The following GRIA4 variants were observed in gnomAD, a reference collection of about 807,000 sequenced individuals.
GRIA4 encodes the protein glutamate ionotropic receptor AMPA type subunit 4.
Under a neutral mutation model 104.0 loss-of-function variants are expected in GRIA4, and 34 were observed. The ratio of observed to expected loss-of-function variants is 0.33; its 90% confidence interval spans 0.25 to 0.44. The LOEUF is 0.44. Ranked by LOEUF, GRIA4 falls within the 20% of genes least tolerant of loss-of-function variation. GRIA4 has a pLI of 1.00. For missense variants in GRIA4, 750 were observed against 1,096.5 expected (o/e 0.68, Z 4.46); for synonymous variants, 386 against 381.9 (o/e 1.01, Z -0.13).
chr11:105,764,267 G>T (rs1277073230), intron 4 of GRIA4, among the ~76,000 whole-genome samples: 1 of 152,114 alleles, frequency 6.6e-6, no homozygotes, highest in Non-Finnish European at 1.5e-5. Flanking sequence ...CTCCCGAGTG[G>T]CTGGGACTAC....
rs527997548 is a variant in GRIA4, at chr11:105,869,036, T to G, written c.672+6828T>G. On this transcript the variant is annotated intron_variant, in intron 5 of 16. Coordinates refer to ENST00000282499, the MANE Select transcript of GRIA4 (RefSeq NM_000829.4). Reference sequence around the variant, plus strand: ...AACAGAAACACCTTTACAGATCTGCTGGACTAGTGCAAATGGAATTGGTGG... The same window carrying G: ...AACAGAAACACCTTTACAGATCTGCGGGACTAGTGCAAATGGAATTGGTGG... Among the ~76,000 whole-genome samples the G allele has an allele frequency of 2.0e-5, 3 of 152,264 alleles. No homozygotes were observed. In the South Asian group the frequency reaches 6.2e-4, roughly 32 times the overall value.
chr11:105,872,543 G>A (rs78374574), intron 5 of GRIA4, among the ~76,000 whole-genome samples: 6,992 of 152,052 alleles, frequency 0.046, 494 homozygotes, highest in African/African-American at 0.16. Flanking sequence ...CATATTTGAC[G>A]TTAAAATTCA....
intron 10 of GRIA4, 75 bp from the exon 11 acceptor site, chr11:105,918,637 G>C: frequency 1.4e-6 from 1 of 734,302 alleles, no homozygotes; most frequent in South Asian, 1.7e-5. Flanking sequence ...GTCAAATTCT[G>C]AAATTGGAAA....
At chr11:105,879,858 T>A (rs1945982671) in intron 5 of GRIA4, among the ~76,000 whole-genome samples, 1 of 152,210 alleles carries the variant, frequency 6.6e-6, no homozygotes, top group Admixed American at 6.5e-5. Context: ...ATGAAAGATA[T>A]ATTAACATTG....
chr11:105,710,741 G>A (rs1953881213), intron 3 of GRIA4, among the ~76,000 whole-genome samples: 1 of 152,134 alleles, frequency 6.6e-6, no homozygotes, highest in Non-Finnish European at 1.5e-5. Context: ...TTTCCCTAGA[G>A]TGTAAAAGGG....
At chr11:105,915,750 T>C (rs565205327) in intron 10 of GRIA4, among the ~76,000 whole-genome samples, 2 of 152,290 alleles carry the variant, frequency 1.3e-5, no homozygotes, top group East Asian at 3.9e-4. Flanking sequence ...TCATATGAAA[T>C]CTCAATTAAT....
chr11:105,853,067 A>C (rs1278772540), intron 4 of GRIA4, among the ~76,000 whole-genome samples: 1 of 125,134 alleles, frequency 8.0e-6, no homozygotes, highest in African/African-American at 2.8e-5. Context: ...ATGATTAATT[A>C]ATGAGATCTG....
chr11:105,847,404 T>C (rs1944639776), intron 4 of GRIA4, among the ~76,000 whole-genome samples: 1 of 152,184 alleles, frequency 6.6e-6, no homozygotes, highest in Non-Finnish European at 1.5e-5. Context: ...GTTGGGGACC[T>C]CTGCATTAGA....
intron 4 of GRIA4, among the ~76,000 whole-genome samples, chr11:105,815,565 A>C (rs1943342570): frequency 6.6e-6 from 1 of 152,010 alleles, no homozygotes; most frequent in Non-Finnish European, 1.5e-5. Context: ...TATGCTGCCT[A>C]GTCCATCTGC....
At chr11:105,746,032 C>T (rs1340438387) in intron 3 of GRIA4, among the ~76,000 whole-genome samples, 1 of 152,026 alleles carries the variant, frequency 6.6e-6, no homozygotes, top group Non-Finnish European at 1.5e-5. Context: ...TACTACCCAA[C>T]AATTATTGCT....
chr11:105,623,053 GTATATATATA>G (rs58596312), intron 3 of GRIA4, among the ~76,000 whole-genome samples: 10,736 of 127,574 alleles, frequency 0.084, 572 homozygotes, highest in East Asian at 0.16. Context: ...GTATTCCATT[GTATATATATA>G]TATATATATA....
At chr11:105,764,360 A>G (rs543612893) in intron 4 of GRIA4, among the ~76,000 whole-genome samples, 1 of 152,190 alleles carries the variant, frequency 6.6e-6, no homozygotes, top group South Asian at 2.1e-4. Flanking sequence ...AGGATTCTGT[A>G]ATTTAATATT....
chr11:105,664,096 T>C (rs1329606566), intron 3 of GRIA4, among the ~76,000 whole-genome samples: 1 of 147,452 alleles, frequency 6.8e-6, no homozygotes, highest in African/African-American at 2.5e-5. Context: ...ATATGTTGAG[T>C]ATCTAGTATG....
chr11:105,701,531 G>T (rs1178674952), intron 3 of GRIA4, among the ~76,000 whole-genome samples: 1 of 152,012 alleles, frequency 6.6e-6, no homozygotes, highest in Non-Finnish European at 1.5e-5. Context: ...TATTGATCAA[G>T]AATGCAATTC....
At chr11:105,905,087 T>A in intron 8 of GRIA4, 110 bp from the exon 9 acceptor site, 1 of 648,126 alleles carries the variant, frequency 1.5e-6, no homozygotes, top group Non-Finnish European at 2.8e-6. Context: ...AGTTAGTTGG[T>A]TATAGTTTAT....
chr11:105,884,733 T>A (rs1400444138), intron 5 of GRIA4, among the ~76,000 whole-genome samples: 1 of 152,176 alleles, frequency 6.6e-6, no homozygotes, highest in African/African-American at 2.4e-5. Context: ...GTATTATAAG[T>A]CCTCACTCTT....
intron 4 of GRIA4, among the ~76,000 whole-genome samples, chr11:105,825,282 C>A (rs908768133): frequency 6.6e-6 from 1 of 152,018 alleles, no homozygotes; most frequent in Non-Finnish European, 1.5e-5. Context: ...TGTACAGCTG[C>A]AGCAGTCCAG....
chr11:105,620,409 C>T (rs1159522552), intron 3 of GRIA4, among the ~76,000 whole-genome samples: 2 of 151,800 alleles, frequency 1.3e-5, no homozygotes, highest in Non-Finnish European at 2.9e-5. Flanking sequence ...GTATCCAGGG[C>T]ATCTGAATTT....
At chr11:105,792,689 TA>T (rs1942265791) in intron 4 of GRIA4, among the ~76,000 whole-genome samples, 1 of 152,136 alleles carries the variant, frequency 6.6e-6, no homozygotes, top group Admixed American at 6.6e-5. Context: ...GAATGGCGGT[TA>T]TACATATCAT....
Sources: allele counts gnomAD v4.1 joint callset (sites outside exome capture counted in the v4.1 genomes callset), GRCh38; gene constraint gnomAD v4.1.1; transcripts MANE v1.5; gene names NCBI Gene and HGNC (gene_info 2026-07-23, HGNC 2026-07-21).